Variants in CSMD1 observed in about 807,000 individuals in gnomAD.
The protein encoded by CSMD1 is CUB and sushi domain-containing protein 1.
A neutral mutation model predicts 417.5 loss-of-function variants in CSMD1; 213 were observed. The ratio of observed to expected loss-of-function variants is 0.51; its 90% CI spans 0.46 to 0.57. The LOEUF is 0.57. CSMD1 is among the 20% of genes least tolerant of loss of function. The probability of loss-of-function intolerance (pLI) is 0.00; values close to 1 mark genes in which losing one functional copy is unlikely to be tolerated. For missense variants in CSMD1, 6,923 were observed against 4,529.7 expected (o/e 1.53, Z -15.17); for synonymous variants, 2,862 against 1,736.8 (o/e 1.65, Z -16.11).
At chr8:3,866,933 A>G (rs4379474) in intron 5 of CSMD1, among the ~76,000 whole-genome samples, 12,059 of 152,272 alleles carry the variant, frequency 0.079, 545 homozygotes, top group South Asian at 0.15. Context: ...ATATGCATGT[A>G]TGGATTTGTA....
chr8:3,586,017 A>G (rs1800583713), intron 9 of CSMD1, 119 bp downstream of exon 9: 2 of 1,031,050 alleles, frequency 1.9e-6, no homozygotes, highest in African/African-American at 3.4e-5. Flanking sequence ...GAAAACATAC[A>G]TTACTACCGA....
chr8:4,979,780 G>C (rs528013789), intron 1 of CSMD1, among the ~76,000 whole-genome samples: 33 of 152,328 alleles, frequency 2.2e-4, no homozygotes, highest in African/African-American at 4.6e-4. Context: ...GCTCACGCCT[G>C]TAATCCCAGC....
At chr8:4,113,441 G>T (rs1359196764) in intron 3 of CSMD1, among the ~76,000 whole-genome samples, 1 of 117,324 alleles carries the variant, frequency 8.5e-6, no homozygotes, top group Non-Finnish European at 1.6e-5. Context: ...ATCTCGCTCT[G>T]TCACGCAGGC....
At chr8:4,968,554 A>G (rs982229863) in intron 1 of CSMD1, among the ~76,000 whole-genome samples, 13 of 152,228 alleles carry the variant, frequency 8.5e-5, no homozygotes, top group African/African-American at 2.9e-4. Flanking sequence ...TATTTTTTAT[A>G]TATATTTTTT....
At chr8:4,294,299 T>G (rs908077734) in intron 3 of CSMD1, among the ~76,000 whole-genome samples, 1 of 152,168 alleles carries the variant, frequency 6.6e-6, no homozygotes, top group African/African-American at 2.4e-5. Flanking sequence ...GTGCTTCATA[T>G]CCTTTTAATA....
rs569441584 is a variant in CSMD1 at position 3,995,446 on chromosome 8, G to C, written c.818+2457C>G. Reference sequence around the variant, plus strand: ...TCCATCTTTACCCCGACAGTTACCTGTTCAAGGCTTTATGATCCAGCCTGT... The same window carrying C: ...TCCATCTTTACCCCGACAGTTACCTCTTCAAGGCTTTATGATCCAGCCTGT... On this transcript the variant is annotated intron_variant, in intron 5 of 69. Transcript: ENST00000635120. Among the ~76,000 whole-genome samples the C allele has an allele frequency of 9.2e-5, 14 of 152,286 alleles. No homozygotes were observed. The East Asian group carries it at 1.9e-3, about 21-fold the overall frequency.
At chr8:4,144,785 G>C (rs117194837) in intron 3 of CSMD1, among the ~76,000 whole-genome samples, 2,976 of 151,070 alleles carry the variant, frequency 0.02, 69 homozygotes, top group Non-Finnish European at 0.026. Context: ...GGATTTACCA[G>C]GTTGTCAGTA....
intron 2 of CSMD1, among the ~76,000 whole-genome samples, chr8:4,606,632 G>A (rs1054381226): frequency 5.3e-5 from 8 of 152,100 alleles, no homozygotes; most frequent in African/African-American, 9.7e-5. Context: ...ACAAATATGG[G>A]CTTAAGATTG....
At chr8:4,739,973 C>T (rs1384060941) in intron 1 of CSMD1, among the ~76,000 whole-genome samples, 1 of 152,142 alleles carries the variant, frequency 6.6e-6, no homozygotes, top group Non-Finnish European at 1.5e-5. Flanking sequence ...AAATAGCTGA[C>T]TGGCCAGCCG....
rs376951676 is a variant in CSMD1, at chr8:4,147,828, A to C, written c.416-115729T>G. Among the ~76,000 whole-genome samples, 323 of 152,220 alleles carry C rather than the reference A, an allele frequency of 2.1e-3. 20 individuals are homozygous for C. In the South Asian group the frequency reaches 0.066, roughly 31 times the overall value. ...CCAAAGCCGGGCAGGAAGACACATC[A>C]TCAGAAAGACTTCTCTGGTCTGGAA... On this transcript the variant is annotated intron_variant, in intron 3 of 69. Transcript: ENST00000635120.
intron 3 of CSMD1, among the ~76,000 whole-genome samples, chr8:4,080,583 A>G (rs1001718191): frequency 9.2e-5 from 14 of 152,206 alleles, no homozygotes; most frequent in African/African-American, 3.1e-4. Flanking sequence ...ATATTTATGT[A>G]TGATGTCATA....
chr8:4,105,468 T>C (rs73504903), intron 3 of CSMD1, among the ~76,000 whole-genome samples: 29,722 of 152,128 alleles, frequency 0.2, 3,255 homozygotes, highest in African/African-American at 0.27. Context: ...CAGTAAATAA[T>C]TATATACTGA....
intron 3 of CSMD1, among the ~76,000 whole-genome samples, chr8:4,032,417 C>T (rs767339507): frequency 6.7e-6 from 1 of 149,820 alleles, no homozygotes; most frequent in African/African-American, 2.4e-5. Flanking sequence ...TCTACTTACT[C>T]CTATAGTGAG....
intron 5 of CSMD1, among the ~76,000 whole-genome samples, chr8:3,967,589 G>A (rs1020219210): frequency 6.6e-6 from 1 of 152,054 alleles, no homozygotes; most frequent in South Asian, 2.1e-4. Flanking sequence ...TCTGTGTAGA[G>A]TCAGACGGTT....
At chr8:4,892,000 A>C (rs1226622733) in intron 1 of CSMD1, among the ~76,000 whole-genome samples, 1 of 152,112 alleles carries the variant, frequency 6.6e-6, no homozygotes, top group Non-Finnish European at 1.5e-5. Flanking sequence ...ATAGCTCTTA[A>C]ACACTGTAAT....
chr8:4,689,680 A>C (rs1563147736), intron 1 of CSMD1, among the ~76,000 whole-genome samples: 1 of 152,072 alleles, frequency 6.6e-6, no homozygotes, highest in Non-Finnish European at 1.5e-5. Flanking sequence ...TTTTTTGCGA[A>C]ATGCCTTTGC....
At chr8:4,953,609 A>G (rs957781376) in intron 1 of CSMD1, among the ~76,000 whole-genome samples, 7 of 152,204 alleles carry the variant, frequency 4.6e-5, no homozygotes, top group African/African-American at 1.7e-4. Context: ...TTAGTAAAGA[A>G]AAAAACTTGG....
chr8:3,983,197 C>T (rs1341408205), intron 5 of CSMD1, among the ~76,000 whole-genome samples: 1 of 146,500 alleles, frequency 6.8e-6, no homozygotes, highest in Admixed American at 6.9e-5. Context: ...GTGGCGCGAT[C>T]TCAGCTCACT....
intron 51 of CSMD1, among the ~76,000 whole-genome samples, chr8:3,027,986 G>C (rs1810066815): frequency 6.6e-6 from 1 of 152,200 alleles, no homozygotes; most frequent in South Asian, 2.1e-4. Flanking sequence ...GAGCATGGAA[G>C]ATTGTCACGC....
Sources: gnomAD v4.1 joint callset for allele counts (sites outside exome capture counted in the v4.1 genomes callset) on GRCh38, gnomAD v4.1.1 for gene constraint, MANE v1.5 for transcripts, NCBI Gene and HGNC (gene_info 2026-07-23, HGNC 2026-07-21) for gene names.